HIBCH: variants seen among roughly 807,000 people sequenced by gnomAD.
HIBCH encodes 3-hydroxyisobutyryl-CoA hydrolase, mitochondrial.
HIBCH carries 50 observed loss-of-function variants against 58.2 expected under a neutral mutation model. The observed-to-expected ratio is 0.86, with a 90% CI of 0.68 to 1.09. HIBCH has a LOEUF of 1.09. Among genes scored for constraint, HIBCH ranks in the 50% least tolerant of loss-of-function variants. The probability of loss-of-function intolerance (pLI) is 0.00; values close to 1 mark genes in which losing one functional copy is unlikely to be tolerated. For missense variants in HIBCH, 450 were observed against 449.7 expected, an observed-to-expected ratio of 1.00 and a Z score of -0.01; for synonymous variants, 151 against 146.9, an observed-to-expected ratio of 1.03 and a Z score of -0.20.
chr2:190,213,369 TAAATA>T (rs1173699539), intron 11 of HIBCH: 1 of 378,022 alleles, frequency 2.6e-6, no homozygotes, highest in Non-Finnish European at 5.0e-6. Flanking sequence ...CAATTACACT[TAAATA>T]AAATCAATAC....
At chr2:190,270,151 G>A (rs1344086576) in intron 6 of HIBCH, among the ~76,000 whole-genome samples, 1 of 151,908 alleles carries the variant, frequency 6.6e-6, no homozygotes, top group Admixed American at 6.6e-5. Flanking sequence ...GGGTTGACAG[G>A]TGCAGCATAT....
intron 9 of HIBCH, 105 bp from the exon 10 acceptor site, chr2:190,246,317 T>C: frequency 1.4e-6 from 1 of 699,372 alleles, no homozygotes; most frequent in Non-Finnish European, 2.5e-6. Context: ...CTTGTCACTT[T>C]CAGTCAAATT....
At chr2:190,249,334 A>T (rs1226640786) in intron 9 of HIBCH, among the ~76,000 whole-genome samples, 2 of 152,222 alleles carry the variant, frequency 1.3e-5, no homozygotes, top group Non-Finnish European at 2.9e-5. Context: ...CTCCACAAAT[A>T]GTGTTAACAT....
At chr2:190,231,141 T>C (rs1470229698) in intron 11 of HIBCH, among the ~76,000 whole-genome samples, 2 of 152,194 alleles carry the variant, frequency 1.3e-5, no homozygotes, top group Non-Finnish European at 2.9e-5. Flanking sequence ...CAAACTGTGC[T>C]GGAACAATTA....
At chr2:190,221,642 T>C (rs2105910250) in intron 11 of HIBCH, among the ~76,000 whole-genome samples, 1 of 152,280 alleles carries the variant, frequency 6.6e-6, no homozygotes. Flanking sequence ...CATTCCTGTT[T>C]TCCTGCTCGA....
chr2:190,216,154 G>A lies in HIBCH; in HGVS notation c.892-3079C>T. 6.5e-6 allele frequency: 1 copy of A among 152,874 alleles called. No homozygotes were observed. Among genetic ancestry groups the A allele is most frequent in the Non-Finnish European group, 1.5e-5 (1 of 68,496 alleles). The allele number at this position is 152,874 out of a possible 1,614,324, so 9.5% of individuals were successfully genotyped here. ...GAGGTGAGAGGATGTGGAGAGATTG[G>A]CAGGGCTGGGGGAAGGTTCTAGAGG... On this transcript the variant is annotated intron_variant, in intron 11 of 13. Transcript: ENST00000359678. The surrounding 1 kb of genome is among the most constrained non-coding windows in gnomAD (Gnocchi z 4.2).
intron 2 of HIBCH, among the ~76,000 whole-genome samples, chr2:190,300,410 G>C (rs1688229773): frequency 6.6e-6 from 1 of 151,512 alleles, no homozygotes; most frequent in Non-Finnish European, 1.5e-5. Flanking sequence ...TTTCTCTAAT[G>C]ATCAGTGATA....
chr2:190,223,592 A>C (rs991604582), intron 11 of HIBCH, among the ~76,000 whole-genome samples: 22 of 152,256 alleles, frequency 1.4e-4, no homozygotes, highest in African/African-American at 5.3e-4. Flanking sequence ...CCAAGAAGGC[A>C]AAATTGAAGA....
At chr2:190,234,741 T>C (rs1016231729) in intron 11 of HIBCH, among the ~76,000 whole-genome samples, 1 of 151,800 alleles carries the variant, frequency 6.6e-6, no homozygotes, top group African/African-American at 2.4e-5. Context: ...TCCCAGTTAC[T>C]CGGGAGGCTG....
intron 2 of HIBCH, among the ~76,000 whole-genome samples, chr2:190,299,743 T>C (rs11694127): frequency 6.6e-6 from 1 of 152,172 alleles, no homozygotes; most frequent in Non-Finnish European, 1.5e-5. Context: ...ATTCATGTCG[T>C]GGGGGTTTGT....
chr2:190,283,203 C>T (rs1687748508), intron 6 of HIBCH, among the ~76,000 whole-genome samples: 1 of 152,086 alleles, frequency 6.6e-6, no homozygotes, highest in African/African-American at 2.4e-5. Context: ...CAATTCTTTG[C>T]CTTCTACTTT....
chr2:190,245,004 A>G (rs773055524), intron 10 of HIBCH, 36 bp from the exon 11 acceptor site: 19 of 1,262,844 alleles, frequency 1.5e-5, no homozygotes, highest in Non-Finnish European at 1.9e-5. Context: ...ACCAATGTGT[A>G]AGTGATTTCC....
At position 190,304,696 on chromosome 2, in the gene HIBCH, T is replaced by C. The variant is rs1222867754; in HGVS notation, c.78+6058A>G. Among the ~76,000 whole-genome samples, 1 of 152,202 alleles carries C rather than the reference T, an allele frequency of 6.6e-6. No individual in the cohort carries two copies. The highest frequency in any genetic ancestry group is 6.5e-5 in the Admixed American group (1 of 15,282). On this transcript the variant is annotated intron_variant, in intron 2 of 13. Transcript: ENST00000359678. This position sits in a 1 kb window ranked among gnomAD's most constrained non-coding sequence, Gnocchi z 4.1. ...GGCTGCCATAACAAAGTACCACAAA[T>C]TAAATGGCTTAAACAACACAAACTT...
intron 8 of HIBCH, chr2:190,250,198 GC>G: frequency 2.9e-6 from 1 of 346,994 alleles, no homozygotes. Context: ...ATGCTTTCTT[GC>G]CCCTGTGATT....
chr2:190,252,986 C>T (rs1372869879), intron 7 of HIBCH, among the ~76,000 whole-genome samples: 3 of 152,110 alleles, frequency 2.0e-5, no homozygotes, highest in African/African-American at 7.2e-5. Context: ...GTCAGGAGTT[C>T]AAGACCAGCC....
At chr2:190,260,476 A>G (rs1001412122) in intron 7 of HIBCH, 1 of 152,236 alleles carries the variant, frequency 6.6e-6, no homozygotes, top group African/African-American at 2.4e-5. Flanking sequence ...CTCTAAATTC[A>G]TCTGCAGGCT....
chr2:190,244,487 T>C (rs900968350), intron 11 of HIBCH, among the ~76,000 whole-genome samples: 24 of 152,180 alleles, frequency 1.6e-4, no homozygotes, highest in African/African-American at 5.8e-4. Context: ...AAGACCATAT[T>C]AAGTAGAATT....
intron 1 of HIBCH, among the ~76,000 whole-genome samples, chr2:190,318,566 C>A (rs1467527001): frequency 6.6e-6 from 1 of 152,142 alleles, no homozygotes. Context: ...CCAAAATGGT[C>A]CTGGCCTCAC....
chr2:190,239,309 T>C (rs765871730), intron 11 of HIBCH, among the ~76,000 whole-genome samples: 8 of 152,212 alleles, frequency 5.3e-5, no homozygotes, highest in Non-Finnish European at 7.3e-5. Flanking sequence ...CTCTGTTCTG[T>C]TCCATTGGTC....
Sources: allele counts gnomAD v4.1 joint callset (sites outside exome capture counted in the v4.1 genomes callset), GRCh38; gene constraint gnomAD v4.1.1; non-coding constraint Gnocchi (gnomAD v3.1); transcripts MANE v1.5; gene names NCBI Gene and HGNC (gene_info 2026-07-23, HGNC 2026-07-21).